CDH18: variants seen among roughly 807,000 people sequenced by gnomAD.
CDH18 encodes cadherin-18.
CDH18 carries 31 observed loss-of-function variants against 67.9 expected under a neutral mutation model. The observed-to-expected ratio is 0.46, with a 90% confidence interval of 0.34 to 0.62. The LOEUF (loss-of-function observed/expected upper bound fraction) is 0.62. CDH18 is among the 20% of genes least tolerant of loss of function. The pLI is 0.01. For synonymous variants in CDH18, 362 were observed against 347.2 expected, an observed-to-expected ratio of 1.04 and a Z score of -0.48; for missense variants, 890 against 975.5, an observed-to-expected ratio of 0.91 and a Z score of 1.17.
Position 19,571,652 on chromosome 5 carries a change from C to T in CDH18, c.1180G>A (p.Glu394Lys), listed in dbSNP as rs868656497. The T allele has an allele frequency of 5.0e-6, 8 of 1,613,866 alleles. No homozygotes were observed. Among genetic ancestry groups the T allele is most frequent in the Non-Finnish European group, 5.9e-6 (7 of 1,179,890 alleles). The change falls in exon 8 of 13, where the codon GAA becomes AAA. Residue 394 changes from glutamate (E) to lysine (K), a missense_variant. Transcript: ENST00000382275. ...ACGACGGTCCCAATCTTGGCATTTT[C>T]GTAGACTTCCATGAGGTAGGAAGGC... ...SMPSYLMEVY[E>K]NAKIGTVVGT...
intron 2 of CDH18, among the ~76,000 whole-genome samples, chr5:20,056,996 T>G (rs949485330): frequency 6.6e-6 from 1 of 152,104 alleles, no homozygotes; most frequent in South Asian, 2.1e-4. Context: ...AGTTCTATAT[T>G]CTTGAAGAAT....
At chr5:20,226,948 T>C (rs957240609) in intron 2 of CDH18, among the ~76,000 whole-genome samples, 2 of 151,996 alleles carry the variant, frequency 1.3e-5, no homozygotes, top group African/African-American at 4.8e-5. Flanking sequence ...ATTGTTAAGG[T>C]CTTACTTACT....
chr5:19,498,551 G>T lies in CDH18; in HGVS notation c.1630+4441C>A, dbSNP rs556003326. Among the ~76,000 whole-genome samples the T allele has an allele frequency of 3.9e-5, 6 of 152,056 alleles. No individual in the cohort carries two copies. In the East Asian group the frequency reaches 1.2e-3, roughly 29 times the overall value. ...CAGCCAAAATATTCCTTTAGAAATCGTACTACATCACTCATGTTAAAAAGT... is the reference window on the plus strand; with the variant it reads ...CAGCCAAAATATTCCTTTAGAAATCTTACTACATCACTCATGTTAAAAAGT... On this transcript the variant is annotated intron_variant, in intron 11 of 12. Coordinates refer to ENST00000382275, the MANE Select transcript of CDH18 (RefSeq NM_004934.5).
chr5:20,539,040 C>T (rs527681134), intron 1 of CDH18, among the ~76,000 whole-genome samples: 2 of 151,858 alleles, frequency 1.3e-5, no homozygotes, highest in South Asian at 2.1e-4. Flanking sequence ...AGGCACCTGC[C>T]ACCACGTTCT....
intron 1 of CDH18, among the ~76,000 whole-genome samples, chr5:20,521,196 C>A (rs1191618814): frequency 6.6e-6 from 1 of 151,940 alleles, no homozygotes; most frequent in Non-Finnish European, 1.5e-5. Context: ...CAATCAATGG[C>A]AAAGGAGCAT....
At chr5:19,987,175 A>T (rs1799648594) in intron 1 of CDH18, among the ~76,000 whole-genome samples, 1 of 152,064 alleles carries the variant, frequency 6.6e-6, no homozygotes, top group Non-Finnish European at 1.5e-5. Context: ...AAAATATTTT[A>T]ATAGCCCTAG....
chr5:19,897,001 A>C (rs1195371339), intron 2 of CDH18, among the ~76,000 whole-genome samples: 3 of 152,164 alleles, frequency 2.0e-5, no homozygotes, highest in Non-Finnish European at 2.9e-5. Context: ...CAAACAGTAG[A>C]ATATCTTCAT....
intron 5 of CDH18, among the ~76,000 whole-genome samples, chr5:19,695,249 C>T (rs1161695548): frequency 6.6e-6 from 1 of 152,136 alleles, no homozygotes; most frequent in Non-Finnish European, 1.5e-5. Flanking sequence ...CCACATTGAC[C>T]TTCTGTCTCC....
At chr5:19,509,161 G>A (rs1024775430) in intron 10 of CDH18, among the ~76,000 whole-genome samples, 7 of 151,978 alleles carry the variant, frequency 4.6e-5, no homozygotes, top group Admixed American at 2.6e-4. Flanking sequence ...GAATCACTGC[G>A]CCTGGCCAAG....
intron 1 of CDH18, among the ~76,000 whole-genome samples, chr5:20,300,851 A>T (rs1371781505): frequency 6.6e-6 from 1 of 152,204 alleles, no homozygotes; most frequent in Non-Finnish European, 1.5e-5. Context: ...AAAACATAGC[A>T]TTTTCCCTAT....
chr5:20,298,248 A>T (rs561217692), intron 1 of CDH18, among the ~76,000 whole-genome samples: 1 of 152,318 alleles, frequency 6.6e-6, no homozygotes, highest in South Asian at 2.1e-4. Flanking sequence ...ATAGAAAATT[A>T]AAACTCAAAA....
intron 2 of CDH18, among the ~76,000 whole-genome samples, chr5:20,067,605 C>G (rs1204013786): frequency 1.3e-5 from 2 of 152,024 alleles, no homozygotes; most frequent in African/African-American, 2.4e-5. Context: ...TTTCCAATCT[C>G]AAACTAATTA....
chr5:20,082,706 A>G (rs1399937210), intron 2 of CDH18, among the ~76,000 whole-genome samples: 1 of 152,202 alleles, frequency 6.6e-6, no homozygotes, highest in Non-Finnish European at 1.5e-5. Context: ...TGAGGACATT[A>G]TTGTTGGACC....
intron 2 of CDH18, among the ~76,000 whole-genome samples, chr5:20,005,098 C>T (rs1372580986): frequency 2.0e-5 from 3 of 152,026 alleles, no homozygotes; most frequent in Non-Finnish European, 2.9e-5. Flanking sequence ...TAGGAAAATA[C>T]GTATACATTT....
At chr5:20,084,771 T>C (rs1049010376) in intron 2 of CDH18, among the ~76,000 whole-genome samples, 4 of 152,210 alleles carry the variant, frequency 2.6e-5, no homozygotes, top group Non-Finnish European at 4.4e-5. Context: ...TCTGAAGCCA[T>C]GGCCCAAGCT....
intron 2 of CDH18, among the ~76,000 whole-genome samples, chr5:20,206,543 G>T (rs1197288815): frequency 1.3e-5 from 2 of 151,814 alleles, no homozygotes; most frequent in Non-Finnish European, 2.9e-5. Flanking sequence ...GAAAAGTATA[G>T]GTCAGTGTTA....
intron 1 of CDH18, among the ~76,000 whole-genome samples, chr5:20,455,596 T>C (rs985652748): frequency 1.3e-5 from 2 of 152,062 alleles, no homozygotes; most frequent in Admixed American, 6.6e-5. Flanking sequence ...ATGTAGAAAA[T>C]CATCAATTCA....
chr5:20,483,616 C>T (rs1394897798), intron 1 of CDH18, among the ~76,000 whole-genome samples: 1 of 150,260 alleles, frequency 6.7e-6, no homozygotes, highest in Admixed American at 6.6e-5. Flanking sequence ...GATATAAATT[C>T]ATACCTGTAC....
intron 6 of CDH18, among the ~76,000 whole-genome samples, chr5:19,606,593 A>T (rs1025901824): frequency 1.3e-5 from 2 of 151,972 alleles, no homozygotes; most frequent in African/African-American, 4.8e-5. Flanking sequence ...GGATTGGTGT[A>T]CTAGAATATA....
Sources: allele counts gnomAD v4.1 joint callset (sites outside exome capture counted in the v4.1 genomes callset), GRCh38; gene constraint gnomAD v4.1.1; transcripts MANE v1.5; gene names NCBI Gene and HGNC (gene_info 2026-07-23, HGNC 2026-07-21).